The following COLEC10 variants were observed in gnomAD, a reference collection of about 807,000 sequenced individuals.
COLEC10 encodes collectin-10.
In COLEC10, 22 loss-of-function variants were observed where a neutral mutation model predicts 28.4. The ratio of observed to expected loss-of-function variants is 0.78; its 90% CI spans 0.55 to 1.11. The LOEUF (loss-of-function observed/expected upper bound fraction) is 1.11, where lower values mean the gene tolerates loss of function less well. Ranked by LOEUF, COLEC10 falls within the 50% of genes least tolerant of loss-of-function variation. The probability of loss-of-function intolerance (pLI) is 0.00; values close to 1 mark genes in which losing one functional copy is unlikely to be tolerated. For synonymous variants in COLEC10, 125 were observed against 116.1 expected (o/e 1.08, Z -0.49); for missense variants, 361 against 344.1 (o/e 1.05, Z -0.39).
At chr8:119,088,275 C>T (rs982040965) in intron 1 of COLEC10, among the ~76,000 whole-genome samples, 5 of 151,998 alleles carry the variant, frequency 3.3e-5, no homozygotes, top group African/African-American at 1.2e-4. Flanking sequence ...AAAATTTCAT[C>T]TAGTTCACTC....
At chr8:119,024,992 G>A (rs1814164350) in intron 2 of COLEC10, among the ~76,000 whole-genome samples, 1 of 151,988 alleles carries the variant, frequency 6.6e-6, no homozygotes, top group Non-Finnish European at 1.5e-5. Context: ...CAATGAGCTG[G>A]GAATTTACAT....
In COLEC10 at chr8:119,076,660, T is replaced by A. The variant is rs60256050; in HGVS notation, c.148+9231T>A. The stretch of plus-strand genomic sequence containing the variant: ...TTATTTGATGCTGCCCAGGGATAAG[T>A]GTATGTGCAAGACATTGTAGCATTG... On this transcript the variant is annotated intron_variant, in intron 1 of 5. Transcript: ENST00000332843. Among the ~76,000 whole-genome samples, 31 of 152,356 alleles carry A rather than the reference T, an allele frequency of 2.0e-4. 1 individual carries two copies. In the East Asian group the frequency reaches 6.0e-3, roughly 29 times the overall value.
Position 119,061,516 on chromosome 8 carries a change from C to A in COLEC10, n.236-28164C>A, listed in dbSNP as rs531700359. Among the ~76,000 whole-genome samples, 8 of 148,964 alleles carry A rather than the reference C, an allele frequency of 5.4e-5. No homozygotes were observed. The South Asian group carries it at 1.5e-3, about 28-fold the overall frequency. Reference sequence around the variant, plus strand: ...CTATAGAAAGTGTAGAAAATGTGAACAACATCAAATTTCTCAGCAGCAACA... The same window carrying A: ...CTATAGAAAGTGTAGAAAATGTGAAAAACATCAAATTTCTCAGCAGCAACA... On this transcript the variant is annotated intron_variant and non_coding_transcript_variant, in intron 2 of 6. Transcript: ENST00000521788.
At chr8:119,083,181 C>A (rs546002428) in intron 1 of COLEC10, among the ~76,000 whole-genome samples, 4 of 152,168 alleles carry the variant, frequency 2.6e-5, no homozygotes, top group Non-Finnish European at 5.9e-5. Flanking sequence ...TCCAGCTGCT[C>A]AAGTCACGTG....
At chr8:118,972,399 C>T in the COLEC10 span, among the ~76,000 whole-genome samples, 1 of 151,930 alleles carries the variant, frequency 6.6e-6, no homozygotes, top group Non-Finnish European at 1.5e-5. Flanking sequence ...TTACCATCTC[C>T]CAGGGAGAAT....
At chr8:119,020,755 A>C (rs532212050) in intron 2 of COLEC10, among the ~76,000 whole-genome samples, 1 of 152,308 alleles carries the variant, frequency 6.6e-6, no homozygotes, top group African/African-American at 2.4e-5. Context: ...AAAGCTTGTC[A>C]GTGTTGAATC....
chr8:119,077,828 A>C (rs1386271754), intron 1 of COLEC10, among the ~76,000 whole-genome samples: 1 of 152,168 alleles, frequency 6.6e-6, no homozygotes, highest in Non-Finnish European at 1.5e-5. Flanking sequence ...TGTCTGCTGC[A>C]TTAATCCATT....
rs976408082 is a variant in COLEC10 at position 119,107,950 on chromosome 8, A to G, written c.*1759A>G. On this transcript the variant is annotated 3_prime_UTR_variant, in exon 6 of 6. Transcript: ENST00000332843. ...ATTTGAGGTCAAAAGTCTTCTAGCT[A>G]AAGTTGTGATCATTTCATTTCTTAC... Among the ~76,000 whole-genome samples, 4 of 152,198 alleles carry G rather than the reference A, an allele frequency of 2.6e-5. No individual in the cohort carries two copies. Among genetic ancestry groups the G allele is most frequent in the Non-Finnish European group, 5.9e-5 (4 of 68,024 alleles).
chr8:119,058,227 C>A (rs112448085), intron 2 of COLEC10, among the ~76,000 whole-genome samples: 2 of 152,082 alleles, frequency 1.3e-5, no homozygotes, highest in African/African-American at 4.8e-5. Flanking sequence ...TTTTGGAATG[C>A]AGTTTTCATG....
chr8:119,003,717 G>A (rs1813740108), intron 1 of COLEC10, among the ~76,000 whole-genome samples: 1 of 151,920 alleles, frequency 6.6e-6, no homozygotes, highest in Admixed American at 6.6e-5. Context: ...TTTGATTTTG[G>A]TTGCACCGCT....
chr8:118,962,015 T>C, the COLEC10 span, among the ~76,000 whole-genome samples: 1 of 152,152 alleles, frequency 6.6e-6, no homozygotes, highest in Non-Finnish European at 1.5e-5. Context: ...CACCCCCCTG[T>C]TGTTTTGCAT....
At chr8:119,101,350 G>T (rs893497589) in intron 3 of COLEC10, among the ~76,000 whole-genome samples, 1 of 152,016 alleles carries the variant, frequency 6.6e-6, no homozygotes, top group South Asian at 2.1e-4. Context: ...CTTCCCTTTT[G>T]ATTCTCAAGA....
At chr8:118,979,224 G>GA in the COLEC10 span, among the ~76,000 whole-genome samples, 2 of 151,862 alleles carry the variant, frequency 1.3e-5, no homozygotes, top group African/African-American at 4.8e-5. Flanking sequence ...AAGCATTTAT[G>GA]AAACAGCTCA....
chr8:118,962,231 G>A, the COLEC10 span, among the ~76,000 whole-genome samples: 1 of 152,138 alleles, frequency 6.6e-6, no homozygotes, highest in South Asian at 2.1e-4. Flanking sequence ...AAAGTCCAAG[G>A]CGAGTACCAA....
intron 3 of COLEC10, among the ~76,000 whole-genome samples, chr8:119,091,597 GAAAGAAAGAA>G (rs143409606): frequency 0.03 from 3,645 of 123,080 alleles, 43 homozygotes; most frequent in Non-Finnish European, 0.034. Flanking sequence ...GAGAGAGAGA[GAAAGAAAGAA>G]AGAAAGAAAG....
upstream of COLEC10, among the ~76,000 whole-genome samples, chr8:118,993,706 A>G (rs1294400265): frequency 6.6e-6 from 1 of 152,120 alleles, no homozygotes; most frequent in African/African-American, 2.4e-5. Context: ...TCCTATAAAG[A>G]CACTGGTCAT....
rs556127210 is a variant in COLEC10, at chr8:119,013,586, C to T, written n.235+4033C>T. On this transcript the variant is annotated intron_variant and non_coding_transcript_variant, in intron 2 of 6. Transcript: ENST00000521788. ...TCTGATAAGGTGGTGTTGAAGTCTTCAACCATAACAGTGGATTAATCAATT... is the reference window on the plus strand; with the variant it reads ...TCTGATAAGGTGGTGTTGAAGTCTTTAACCATAACAGTGGATTAATCAATT... Among the ~76,000 whole-genome samples the T allele has an allele frequency of 3.4e-4, 52 of 150,950 alleles. 6 individuals are homozygous for T. Among genetic ancestry groups the T allele is most frequent in the African/African-American group, 1.2e-3 (50 of 40,514 alleles).
chr8:119,003,672 GCT>G (rs1813739407), intron 1 of COLEC10, among the ~76,000 whole-genome samples: 1 of 151,984 alleles, frequency 6.6e-6, no homozygotes, highest in Non-Finnish European at 1.5e-5. Context: ...AGGATTACAA[GCT>G]TCATAGTAAG....
At chr8:119,100,519 T>C (rs1048288465) in intron 3 of COLEC10, among the ~76,000 whole-genome samples, 4 of 152,208 alleles carry the variant, frequency 2.6e-5, no homozygotes, top group African/African-American at 9.6e-5. Flanking sequence ...TGTGAGCAGA[T>C]TGATATTACT....
Sources: gnomAD v4.1 joint callset for allele counts (sites outside exome capture counted in the v4.1 genomes callset) on GRCh38, gnomAD v4.1.1 for gene constraint, MANE v1.5 for transcripts, NCBI Gene and HGNC (gene_info 2026-07-23, HGNC 2026-07-21) for gene names.